TYW1B: variants seen among roughly 807,000 people sequenced by gnomAD.
The protein encoded by TYW1B is S-adenosyl-L-methionine-dependent tRNA 4-demethylwyosine synthase TYW1B.
Under a neutral mutation model 86.9 loss-of-function variants are expected in TYW1B, and 73 were observed. The observed-to-expected ratio is 0.84, with a 90% confidence interval of 0.70 to 1.02. TYW1B has a LOEUF of 1.02. Ranked by LOEUF, TYW1B falls within the 50% of genes least tolerant of loss-of-function variation. The pLI, the probability that TYW1B is intolerant of heterozygous loss-of-function variation, is 0.00. For missense variants in TYW1B, 637 were observed against 827.4 expected (o/e 0.77, Z 2.82); for synonymous variants, 248 against 292.8 (o/e 0.85, Z 1.56).
intron 10 of TYW1B, among the ~76,000 whole-genome samples, chr7:72,705,989 GCA>G (rs1405484458): frequency 6.6e-6 from 1 of 152,186 alleles, no homozygotes; most frequent in Non-Finnish European, 1.5e-5. Context: ...AAAGCTGAAT[GCA>G]CAGATGGTAC....
At chr7:72,797,958 G>A (rs546235822) in intron 6 of TYW1B, among the ~76,000 whole-genome samples, 2 of 151,748 alleles carry the variant, frequency 1.3e-5, no homozygotes, top group East Asian at 3.9e-4. Flanking sequence ...ATCGATGTCA[G>A]AACATGCAAA....
intron 8 of TYW1B, among the ~76,000 whole-genome samples, chr7:72,736,566 C>T (rs1554461047): frequency 6.6e-6 from 1 of 152,162 alleles, no homozygotes; most frequent in African/African-American, 2.4e-5. Flanking sequence ...GACCAAAATC[C>T]ATTTTAAACG....
At chr7:72,715,588 G>A in intron 9 of TYW1B, among the ~76,000 whole-genome samples, 1 of 151,998 alleles carries the variant, frequency 6.6e-6, no homozygotes, top group Non-Finnish European at 1.5e-5. Context: ...GGGCCTATCA[G>A]AGGGTGGAGG....
At chr7:72,759,800 G>T (rs1787657105) in intron 7 of TYW1B, among the ~76,000 whole-genome samples, 1 of 152,144 alleles carries the variant, frequency 6.6e-6, no homozygotes. Flanking sequence ...ACAGCTCCAT[G>T]GTAACCAACA....
chr7:72,700,872 T>C (rs1360384950), intron 10 of TYW1B, among the ~76,000 whole-genome samples: 3 of 152,008 alleles, frequency 2.0e-5, no homozygotes, highest in East Asian at 3.9e-4. Flanking sequence ...TTCAAGACCA[T>C]CCTGGCCAAC....
chr7:72,751,060 CAG>C (rs1787491871), intron 7 of TYW1B, among the ~76,000 whole-genome samples: 1 of 146,630 alleles, frequency 6.8e-6, no homozygotes, highest in Non-Finnish European at 1.5e-5. Flanking sequence ...TTTTTTGAAA[CAG>C]AGTCTAGCTC....
chr7:72,600,880 G>A (rs1811649579), intron 13 of TYW1B, among the ~76,000 whole-genome samples: 1 of 152,056 alleles, frequency 6.6e-6, no homozygotes, highest in Non-Finnish European at 1.5e-5. Flanking sequence ...AAAAGGGCCG[G>A]GCGTGGTGGC....
chr7:72,597,802 A>T (rs1554432910), intron 13 of TYW1B, among the ~76,000 whole-genome samples: 1 of 152,128 alleles, frequency 6.6e-6, no homozygotes, highest in Admixed American at 6.6e-5. Flanking sequence ...AAAAACTTGC[A>T]TCATATTATA....
chr7:72,584,460 A>ATT (rs34009372), intron 13 of TYW1B, among the ~76,000 whole-genome samples: 22 of 142,614 alleles, frequency 1.5e-4, no homozygotes, highest in Admixed American at 2.8e-4. Context: ...GTATATTCCA[A>ATT]TTTTTTTTTT....
At chr7:72,616,414 T>C (rs1190758331) in intron 13 of TYW1B, among the ~76,000 whole-genome samples, 1 of 152,204 alleles carries the variant, frequency 6.6e-6, no homozygotes, top group East Asian at 1.9e-4. Flanking sequence ...TTTGTTTTGT[T>C]AGCATGCACC....
Position 72,783,250 on chromosome 7 carries a change from T to C in TYW1B, c.847-5717A>G, listed in dbSNP as rs1339674257. Among the ~76,000 whole-genome samples, 8 of 151,816 alleles carry C rather than the reference T, an allele frequency of 5.3e-5. No homozygotes were observed. The South Asian group carries it at 8.3e-4, about 16-fold the overall frequency. ...CCATCTCTTCTGAAAATACAAAAATTAGCCGGGCGTGGTGGCATGCGCTTG... is the reference window on the plus strand; with the variant it reads ...CCATCTCTTCTGAAAATACAAAAATCAGCCGGGCGTGGTGGCATGCGCTTG... On this transcript the variant is annotated intron_variant, in intron 6 of 13. Transcript: ENST00000620995.
At chr7:72,807,656 A>G (rs1418890140) in intron 4 of TYW1B, among the ~76,000 whole-genome samples, 3 of 152,214 alleles carry the variant, frequency 2.0e-5, no homozygotes, top group Non-Finnish European at 4.4e-5. Context: ...CTACCATTCT[A>G]TATCATGATA....
At chr7:72,775,913 A>C (rs1281707861) in intron 7 of TYW1B, among the ~76,000 whole-genome samples, 4 of 152,162 alleles carry the variant, frequency 2.6e-5, no homozygotes, top group African/African-American at 9.7e-5. Flanking sequence ...AATTAAATAG[A>C]TGTTTTGATT....
At position 72,579,531 on chromosome 7, in the gene TYW1B, T is replaced by G. The variant is rs1325434322; in HGVS notation, c.1786-3812A>C. Among the ~76,000 whole-genome samples the G allele has an allele frequency of 2.6e-5, 4 of 152,230 alleles. No homozygotes were observed. In the East Asian group the frequency reaches 7.7e-4, roughly 29 times the overall value. On this transcript the variant is annotated intron_variant, in intron 13 of 13. Transcript: ENST00000620995. Reference sequence around the variant, plus strand: ...TCCAAGGTTCTGGCTCAGTTTCTGGTGAGGGCTCTCTTCCTGTCTTGCAGG... The same window carrying G: ...TCCAAGGTTCTGGCTCAGTTTCTGGGGAGGGCTCTCTTCCTGTCTTGCAGG...
chr7:72,827,924 T>C, intron 1 of TYW1B, 148 bp downstream of exon 1: 1 of 1,476,470 alleles, frequency 6.8e-7, no homozygotes, highest in Non-Finnish European at 9.2e-7. Flanking sequence ...TCGGTCCTCC[T>C]TGCTCTCAGC....
chr7:72,702,986 CTATATATATATA>C (rs371144509), intron 10 of TYW1B, among the ~76,000 whole-genome samples: 607 of 36,298 alleles, frequency 0.017, 50 homozygotes, highest in African/African-American at 0.044. Flanking sequence ...ATCTATCTAT[CTATATATATATA>C]TATATATATA....
chr7:72,706,507 T>C (rs1554453685), intron 10 of TYW1B, among the ~76,000 whole-genome samples: 1 of 151,452 alleles, frequency 6.6e-6, no homozygotes, highest in Non-Finnish European at 1.5e-5. Context: ...GGAGACTGCA[T>C]ATGAAACACA....
chr7:72,826,908 A>T lies in TYW1B; in HGVS notation c.82T>A (p.Phe28Ile), dbSNP rs782540464. The change falls in exon 2 of 14, where the codon TTT (phenylalanine) becomes ATT (isoleucine). Residue 28 changes from phenylalanine to isoleucine, a missense_variant. Coordinates refer to ENST00000620995, the MANE Select transcript of TYW1B (RefSeq NM_001145440.3). ...WINRFYIYLG[F>I]AVSISLWICV... is the part of the protein sequence containing the mutation. The stretch of plus-strand genomic sequence containing the variant: ...ATCCAAAGGCTAATGCTAACAGCAA[A>T]GCCCAGATAAATGTAAAACCTGTTT... The T allele has an allele frequency of 2.2e-5, 36 of 1,614,042 alleles. No homozygotes were observed. Among genetic ancestry groups the T allele is most frequent in the Non-Finnish European group, 2.9e-5 (34 of 1,179,980 alleles).
At chr7:72,765,576 G>A (rs1301656799) in intron 7 of TYW1B, among the ~76,000 whole-genome samples, 2 of 152,080 alleles carry the variant, frequency 1.3e-5, no homozygotes, top group Admixed American at 6.6e-5. Context: ...AATGATTCTC[G>A]TGCCTCAGCC....
Sources: gnomAD v4.1 joint callset for allele counts (sites outside exome capture counted in the v4.1 genomes callset) on GRCh38, gnomAD v4.1.1 for gene constraint, MANE v1.5 for transcripts, NCBI Gene and HGNC (gene_info 2026-07-23, HGNC 2026-07-21) for gene names.